Variants in NMNAT3 observed in about 807,000 individuals in gnomAD.
NMNAT3 encodes the protein nicotinamide/nicotinic acid mononucleotide adenylyltransferase 3.
In NMNAT3, 21 loss-of-function variants were observed where a neutral mutation model predicts 24.8. That is an observed-to-expected ratio of 0.85 (90% CI 0.60 to 1.22). NMNAT3 has a LOEUF of 1.22. Ranked by LOEUF, NMNAT3 falls within the 50% of genes most tolerant of loss-of-function variation. The pLI is 0.00. For missense variants in NMNAT3, 387 were observed against 436.6 expected, an observed-to-expected ratio of 0.89 and a Z score of 1.01; for synonymous variants, 136 against 155.2, an observed-to-expected ratio of 0.88 and a Z score of 0.92.
intron 1 of NMNAT3, among the ~76,000 whole-genome samples, chr3:139,640,592 G>T (rs1182532946): frequency 1.3e-5 from 2 of 152,164 alleles, no homozygotes; most frequent in Admixed American, 6.5e-5. Context: ...ATCTGGGAAG[G>T]GTGGAAACTT....
intron 3 of NMNAT3, among the ~76,000 whole-genome samples, chr3:139,591,437 C>A (rs2054171723): frequency 6.6e-6 from 1 of 152,098 alleles, no homozygotes; most frequent in South Asian, 2.1e-4. Context: ...AACAAAGCAG[C>A]CGGGAAGCTC....
chr3:139,621,797 T>C (rs1559919917), intron 3 of NMNAT3, among the ~76,000 whole-genome samples: 1 of 152,212 alleles, frequency 6.6e-6, no homozygotes, highest in Non-Finnish European at 1.5e-5. Context: ...TCCACCTCCA[T>C]GTGTTCAAAT....
intron 1 of NMNAT3, among the ~76,000 whole-genome samples, chr3:139,675,922 C>T (rs761857921): frequency 1.6e-4 from 24 of 152,152 alleles, no homozygotes; most frequent in Non-Finnish European, 3.1e-4. Context: ...ACCTGTTAAG[C>T]CTGAGCAATC....
At chr3:139,583,303 T>A (rs2053754293) in intron 3 of NMNAT3, 2 of 1,326,692 alleles carry the variant, frequency 1.5e-6, no homozygotes, top group Admixed American at 3.4e-5. Context: ...CATTTGGATG[T>A]TTAATGATGT....
chr3:139,606,807 A>G (rs998382951), intron 3 of NMNAT3, among the ~76,000 whole-genome samples: 8 of 152,080 alleles, frequency 5.3e-5, no homozygotes, highest in Admixed American at 3.3e-4. Context: ...ATGGGTACTT[A>G]TTTTATTCTG....
chr3:139,573,597 C>A lies in NMNAT3; in HGVS notation c.658+1G>T. ...CTACAGACAAGAGGATCAGCACCCA[C>A]CTGCAGGGGTCGAGAAGAGTGCCTT... On this transcript the variant is annotated splice_donor_variant, in intron 6 of 6. Transcript: ENST00000643695. LOFTEE classifies it high-confidence loss of function. 6.3e-7 allele frequency: 1 copy of A among 1,576,914 alleles called. No individual in the cohort carries two copies.
chr3:139,631,019 C>G (rs1485548666), intron 2 of NMNAT3, among the ~76,000 whole-genome samples: 1 of 152,048 alleles, frequency 6.6e-6, no homozygotes, highest in African/African-American at 2.4e-5. Flanking sequence ...CCAAAAGTTC[C>G]CAGAAACTAT....
chr3:139,654,218 C>T (rs2108399422), intron 1 of NMNAT3, among the ~76,000 whole-genome samples: 1 of 152,334 alleles, frequency 6.6e-6, no homozygotes, highest in East Asian at 1.9e-4. Flanking sequence ...ATAAAGTCAA[C>T]TTCAAACCAG....
chr3:139,592,141 A>C (rs1435810485), intron 3 of NMNAT3, among the ~76,000 whole-genome samples: 1 of 152,250 alleles, frequency 6.6e-6, no homozygotes, highest in Non-Finnish European at 1.5e-5. Context: ...GATGGAGCTG[A>C]AAACCAAGGC....
At chr3:139,675,153 C>CACACAG (rs1242910867) in intron 1 of NMNAT3, among the ~76,000 whole-genome samples, 9 of 152,028 alleles carry the variant, frequency 5.9e-5, no homozygotes, top group African/African-American at 2.2e-4. Context: ...CACACACACA[C>CACACAG]ACACACACAC....
chr3:139,659,887 C>T (rs115694878), intron 1 of NMNAT3, among the ~76,000 whole-genome samples: 129 of 152,356 alleles, frequency 8.5e-4, no homozygotes, highest in African/African-American at 3.0e-3. Context: ...GTATCAGCAT[C>T]ATCTGGGTGC....
chr3:139,620,819 C>T (rs377348998), intron 3 of NMNAT3, among the ~76,000 whole-genome samples: 6 of 152,104 alleles, frequency 3.9e-5, no homozygotes, highest in African/African-American at 7.2e-5. Flanking sequence ...GGCAGAAATA[C>T]GCATGGAGCT....
At chr3:139,619,548 A>G (rs1392070640) in intron 3 of NMNAT3, among the ~76,000 whole-genome samples, 3 of 152,188 alleles carry the variant, frequency 2.0e-5, no homozygotes, top group Admixed American at 6.5e-5. Context: ...TCCTGAGGCT[A>G]AAGGAGAGCC....
chr3:139,615,304 T>G (rs953526444), intron 3 of NMNAT3, among the ~76,000 whole-genome samples: 1 of 152,212 alleles, frequency 6.6e-6, no homozygotes, highest in Admixed American at 6.5e-5. Context: ...GAAACCAAAA[T>G]TAGGATGCTG....
At chr3:139,643,709 G>A (rs538124730) in intron 1 of NMNAT3, among the ~76,000 whole-genome samples, 101 of 152,196 alleles carry the variant, frequency 6.6e-4, no homozygotes, top group African/African-American at 9.2e-4. Flanking sequence ...GTAGAATGGC[G>A]GTGCCGGGGG....
At chr3:139,608,539 A>G (rs1398385535) in intron 3 of NMNAT3, among the ~76,000 whole-genome samples, 1 of 152,214 alleles carries the variant, frequency 6.6e-6, no homozygotes, top group Non-Finnish European at 1.5e-5. Context: ...TTAATCAAAT[A>G]TGTTGTTTCT....
rs534991142 is a variant in NMNAT3, at chr3:139,560,851, T to C, written c.*159A>G. On this transcript the variant is annotated 3_prime_UTR_variant, in exon 7 of 7. Coordinates refer to ENST00000643695, the MANE Select transcript of NMNAT3 (RefSeq NM_001320510.2). The stretch of plus-strand genomic sequence containing the variant: ...CCTTTCCTCTCCTGTAAAGAAGGTA[T>C]CTCTTCCTGGGACAGAAGACTCCTC... 3.1e-5 allele frequency: 21 copies of C among 678,618 alleles called. No homozygotes were observed. The East Asian group carries it at 5.0e-4, about 16-fold the overall frequency. 42.0% of individuals were successfully genotyped at this position (678,618 alleles called of 1,614,324 possible).
At chr3:139,624,392 T>C (rs1265250251) in intron 3 of NMNAT3, among the ~76,000 whole-genome samples, 1 of 152,026 alleles carries the variant, frequency 6.6e-6, no homozygotes, top group Non-Finnish European at 1.5e-5. Flanking sequence ...TCTAATGTAA[T>C]TCCACTGTGG....
chr3:139,594,826 C>G (rs1376467982), intron 3 of NMNAT3, among the ~76,000 whole-genome samples: 1 of 152,142 alleles, frequency 6.6e-6, no homozygotes, highest in Non-Finnish European at 1.5e-5. Flanking sequence ...ATAATAAGAG[C>G]TATCTATGAC....
Sources: allele counts gnomAD v4.1 joint callset (sites outside exome capture counted in the v4.1 genomes callset), GRCh38; gene constraint gnomAD v4.1.1; transcripts MANE v1.5; gene names NCBI Gene and HGNC (gene_info 2026-07-23, HGNC 2026-07-21).